Variants in HMGXB3 observed in about 807,000 individuals in gnomAD.
The protein encoded by HMGXB3 is HMG-box containing 3.
Under a neutral mutation model 121.5 loss-of-function variants are expected in HMGXB3, and 45 were observed. The observed-to-expected ratio is 0.37, with a 90% CI of 0.29 to 0.47. HMGXB3 has a LOEUF of 0.47. Ranked by LOEUF, HMGXB3 falls within the 20% of genes least tolerant of loss-of-function variation. The probability of loss-of-function intolerance (pLI) is 0.99; values close to 1 mark genes in which losing one functional copy is unlikely to be tolerated. For missense variants in HMGXB3, 1,376 were observed against 1,602.2 expected (o/e 0.86, Z 2.41); for synonymous variants, 590 against 624.1 (o/e 0.95, Z 0.81).
intron 4 of HMGXB3, among the ~76,000 whole-genome samples, chr5:150,011,573 G>A (rs191793389): frequency 3.3e-5 from 5 of 151,406 alleles, no homozygotes; most frequent in Admixed American, 6.6e-5. Flanking sequence ...GCAACTAGCC[G>A]GTTGTTGTTG....
intron 1 of HMGXB3, among the ~76,000 whole-genome samples, chr5:150,003,634 A>ATT (rs35921667): frequency 1.0e-4 from 15 of 149,582 alleles, no homozygotes; most frequent in South Asian, 6.3e-4. Context: ...GAACTCTTCC[A>ATT]TTTTTTTTTC....
At chr5:150,005,835 G>T (rs924491667) in intron 2 of HMGXB3, among the ~76,000 whole-genome samples, 3 of 152,154 alleles carry the variant, frequency 2.0e-5, no homozygotes, top group African/African-American at 7.2e-5. Flanking sequence ...GAGGAGCACG[G>T]AGTGTGAGTG....
chr5:150,001,999 G>A (rs1163596704), intron 1 of HMGXB3, among the ~76,000 whole-genome samples: 2 of 152,136 alleles, frequency 1.3e-5, no homozygotes, highest in African/African-American at 4.8e-5. Context: ...CTGGCCTATT[G>A]CTTACCCAGC....
chr5:150,042,378 AAG>A (rs1245837774), intron 15 of HMGXB3, among the ~76,000 whole-genome samples: 1 of 152,132 alleles, frequency 6.6e-6, no homozygotes, highest in Non-Finnish European at 1.5e-5. Context: ...AAAGCTGGGT[AAG>A]AGAGAGAGAA....
intron 9 of HMGXB3, 150 bp from the exon 10 acceptor site, chr5:150,030,591 G>C: frequency 1.6e-6 from 1 of 615,728 alleles, no homozygotes; most frequent in Non-Finnish European, 2.9e-6. Flanking sequence ...TGGTGGGCTT[G>C]TGACTGCCAA....
At chr5:150,045,081 C>T (rs1756725605) in intron 15 of HMGXB3, among the ~76,000 whole-genome samples, 3 of 152,186 alleles carry the variant, frequency 2.0e-5, no homozygotes, top group Admixed American at 6.5e-5. Flanking sequence ...TCTGTCTCTT[C>T]GAGTGCTTGA....
Position 150,053,068 on chromosome 5 carries a change from T to C in HMGXB3, c.*876T>C, listed in dbSNP as rs1053018491. 3.4e-5 allele frequency: 6 copies of C among 176,704 alleles called. No individual in the cohort carries two copies. The highest frequency in any genetic ancestry group is 1.9e-4 in the Admixed American group (3 of 15,806). 10.9% of individuals were successfully genotyped at this position (176,704 alleles called of 1,614,324 possible). ...ATTGGCCATGTGTTAATTTATTGAG[T>C]GGAGTAGGTGGCTTTTTTTCCCTCC... On this transcript the variant is annotated 3_prime_UTR_variant, in exon 20 of 20. Coordinates refer to ENST00000502717, the MANE Select transcript of HMGXB3 (RefSeq NM_014983.3).
intron 6 of HMGXB3, among the ~76,000 whole-genome samples, chr5:150,023,744 C>T (rs1307132227): frequency 6.6e-6 from 1 of 152,202 alleles, no homozygotes; most frequent in African/African-American, 2.4e-5. Flanking sequence ...TCTTAAGACT[C>T]TCCTTAAAGA....
At position 150,024,427 on chromosome 5, in the gene HMGXB3, G is replaced by A. The variant is rs1334501405; in HGVS notation, c.1207G>A (p.Val403Ile). The change falls in exon 7 of 20, where the codon GTA becomes ATA. Residue 403 changes from valine (V) to isoleucine (I), a missense_variant. Around this residue, in one of 2 missense-constraint regions of HMGXB3, gnomAD observed 1,116 missense variants for 1,369.0 expected, o/e 0.82. Transcript: ENST00000502717. ...NSEAVSQLLN[V>I]APPREVGEES... ...GGAAGCTGTAAGCCAGCTCCTGAACGTAGCTCCTCCCAGAGAAGTAGGTGA... is the reference window on the plus strand; with the variant it reads ...GGAAGCTGTAAGCCAGCTCCTGAACATAGCTCCTCCCAGAGAAGTAGGTGA... The A allele has an allele frequency of 4.1e-5, 64 of 1,551,602 alleles. No homozygotes were observed. Among genetic ancestry groups the A allele is most frequent in the Non-Finnish European group, 5.1e-5 (58 of 1,147,006 alleles).
intron 6 of HMGXB3, among the ~76,000 whole-genome samples, chr5:150,019,622 T>C (rs762852407): frequency 6.6e-6 from 1 of 152,188 alleles, no homozygotes; most frequent in African/African-American, 2.4e-5. Context: ...TTATAAGGAC[T>C]GAGACAGACA....
At chr5:150,019,798 A>G (rs1756046643) in intron 6 of HMGXB3, among the ~76,000 whole-genome samples, 1 of 152,234 alleles carries the variant, frequency 6.6e-6, no homozygotes, top group African/African-American at 2.4e-5. Flanking sequence ...AAAACCTTGT[A>G]TAGCAGCATA....
intron 5 of HMGXB3, among the ~76,000 whole-genome samples, chr5:150,016,846 T>G (rs953094705): frequency 6.6e-6 from 1 of 152,250 alleles, no homozygotes; most frequent in African/African-American, 2.4e-5. Context: ...GGATCTGCTT[T>G]CTTTTATTGG....
chr5:150,010,654 T>G (rs1212268099), intron 4 of HMGXB3, 46 bp downstream of exon 4: 6 of 1,511,134 alleles, frequency 4.0e-6, no homozygotes, highest in African/African-American at 1.4e-5. Context: ...CTGGAGTTAC[T>G]TAAAGGGCAG....
intron 15 of HMGXB3, among the ~76,000 whole-genome samples, chr5:150,042,284 T>G (rs13183261): frequency 0.55 from 82,942 of 152,142 alleles, 25,482 homozygotes; most frequent in Non-Finnish European, 0.69. Flanking sequence ...ACAAAGTTTC[T>G]GTCCTCATGG....
intron 11 of HMGXB3, among the ~76,000 whole-genome samples, chr5:150,033,362 G>A (rs1263161953): frequency 6.6e-6 from 1 of 152,170 alleles, no homozygotes; most frequent in African/African-American, 2.4e-5. Context: ...GGTCACTCCA[G>A]ATCAAGGCTG....
Position 150,030,856 on chromosome 5 carries a change from G to C in HMGXB3, c.1833+17G>C, listed in dbSNP as rs1424559419. On this transcript the variant is annotated intron_variant, in intron 10 of 19. Coordinates refer to ENST00000502717, the MANE Select transcript of HMGXB3 (RefSeq NM_014983.3). Reference sequence around the variant, plus strand: ...GTCACATTGGTAAGTATGCAGCTAGGTGGTGGTGGGTTGACATGGAGGTTG... The same window carrying C: ...GTCACATTGGTAAGTATGCAGCTAGCTGGTGGTGGGTTGACATGGAGGTTG... 15 of 1,526,718 alleles carry C rather than the reference G, an allele frequency of 9.8e-6. No homozygotes were observed. In the South Asian group the frequency reaches 1.6e-4, roughly 16 times the overall value. 94.6% of individuals were successfully genotyped at this position (1,526,718 alleles called of 1,614,324 possible).
chr5:150,013,442 A>G (rs1755888939), intron 5 of HMGXB3, among the ~76,000 whole-genome samples: 1 of 152,178 alleles, frequency 6.6e-6, no homozygotes, highest in Admixed American at 6.5e-5. Flanking sequence ...ACAGTGATGT[A>G]GTATCCCTCT....
At chr5:150,050,195 AC>A in intron 18 of HMGXB3, 56 bp from the exon 19 acceptor site, 1 of 1,411,440 alleles carries the variant, frequency 7.1e-7, no homozygotes, top group Non-Finnish European at 9.8e-7. Context: ...AGAACTGTAC[AC>A]TCTCTGCAGA....
At position 150,045,453 on chromosome 5, in the gene HMGXB3, C is replaced by T; in HGVS notation, c.2731-13C>T. ...ACTCCCACAGTTTGACCTTCTTTAT[C>T]CTGACCTTCTAGTTCACCTGGCCTG... On this transcript the variant is annotated splice_polypyrimidine_tract_variant and intron_variant, in intron 15 of 19. Transcript: ENST00000502717. 1 of 1,548,896 alleles carries T rather than the reference C, an allele frequency of 6.5e-7. No individual in the cohort carries two copies. The highest frequency in any genetic ancestry group is 1.4e-5 in the African/African-American group (1 of 73,078).
Sources: allele counts gnomAD v4.1 joint callset (sites outside exome capture counted in the v4.1 genomes callset), GRCh38; gene constraint gnomAD v4.1.1; regional missense constraint gnomAD v4.1.1; transcripts MANE v1.5; gene names NCBI Gene and HGNC (gene_info 2026-07-23, HGNC 2026-07-21).